The following OLFML2A variants were observed in gnomAD, a reference collection of about 807,000 sequenced individuals.
OLFML2A encodes the protein olfactomedin like 2A, also known as olfactomedin-like protein 2A.
A neutral mutation model predicts 60.9 loss-of-function variants in OLFML2A; 47 were observed. That is an observed-to-expected ratio of 0.77 (90% CI 0.61 to 0.98). OLFML2A has a LOEUF of 0.98. Ranked by LOEUF, OLFML2A falls within the 50% of genes least tolerant of loss-of-function variation. The probability of loss-of-function intolerance (pLI) is 0.00; values close to 1 mark genes in which losing one functional copy is unlikely to be tolerated. For synonymous variants in OLFML2A, 372 were observed against 375.0 expected (o/e 0.99, Z 0.09); for missense variants, 922 against 879.8 (o/e 1.05, Z -0.61).
In OLFML2A at chr9:124,802,005, C is replaced by T. The variant is rs562606413; in HGVS notation, c.919+342C>T. Reference sequence around the variant, plus strand: ...ACACAGTCCCTGTCCCCACAGATCTCACAGTCTAGTGAGAAAAAATACCTA... The same window carrying T: ...ACACAGTCCCTGTCCCCACAGATCTTACAGTCTAGTGAGAAAAAATACCTA... On this transcript the variant is annotated intron_variant, in intron 5 of 7. Coordinates refer to ENST00000373580, the MANE Select transcript of OLFML2A (RefSeq NM_182487.4). Among the ~76,000 whole-genome samples the T allele has an allele frequency of 2.6e-5, 4 of 152,266 alleles. No homozygotes were observed. In the East Asian group the frequency reaches 7.7e-4, roughly 29 times the overall value.
At chr9:124,803,986 C>T (rs1208081299) in intron 5 of OLFML2A, 108 bp from the exon 6 acceptor site, 3 of 1,263,882 alleles carry the variant, frequency 2.4e-6, no homozygotes, top group African/African-American at 3.0e-5. Context: ...GGAGGCCTCC[C>T]CCTCCACTCC....
chr9:124,777,752 G>A lies in OLFML2A; in HGVS notation c.90+392G>A, dbSNP rs1564279274. ...TGGGCCACGGCTTTCACGGCCCGCT[G>A]GGGACTGGGGGTCTTCTCTACCCGA... On this transcript the variant is annotated intron_variant, in intron 1 of 7. Coordinates refer to ENST00000373580, the MANE Select transcript of OLFML2A (RefSeq NM_182487.4). This position sits in a 1 kb window ranked among gnomAD's most constrained non-coding sequence, Gnocchi z 6.2. 3.3e-5 allele frequency among the ~76,000 whole-genome samples: 5 copies of A among 152,108 alleles called. No individual in the cohort carries two copies. The highest frequency in any genetic ancestry group is 7.4e-5 in the Non-Finnish European group (5 of 68,000).
At chr9:124,780,148 C>A (rs959899242) in intron 1 of OLFML2A, among the ~76,000 whole-genome samples, 1 of 152,230 alleles carries the variant, frequency 6.6e-6, no homozygotes, top group African/African-American at 2.4e-5. Context: ...GGGGACCCCA[C>A]AGCTTCCCTG....
At chr9:124,801,045 C>G in intron 4 of OLFML2A, 2 of 1,551,602 alleles carry the variant, frequency 1.3e-6, no homozygotes, top group Non-Finnish European at 1.7e-6. Flanking sequence ...CGTACTAAGA[C>G]CAATGAGTAA....
At chr9:124,791,165 G>A (rs565741396) in intron 2 of OLFML2A, among the ~76,000 whole-genome samples, 1 of 152,310 alleles carries the variant, frequency 6.6e-6, no homozygotes, top group East Asian at 1.9e-4. Flanking sequence ...CAGGGACTGT[G>A]GGAGCCCCAA....
intron 1 of OLFML2A, among the ~76,000 whole-genome samples, chr9:124,782,136 G>A (rs2131240182): frequency 6.6e-6 from 1 of 152,316 alleles, no homozygotes; most frequent in East Asian, 1.9e-4. Flanking sequence ...ATGCCCCCCA[G>A]GGCCCCCTCT....
rs1011120450 is a variant in OLFML2A at position 124,808,164 on chromosome 9, G to A, written c.1354+198G>A. ...GCCCAGACAGACCCCATGGCACCCC[G>A]GTGTGCTAGCACCCTGCCAGGAACC... On this transcript the variant is annotated intron_variant, in intron 7 of 7. Coordinates refer to ENST00000373580, the MANE Select transcript of OLFML2A (RefSeq NM_182487.4). Among the ~76,000 whole-genome samples the A allele has an allele frequency of 5.9e-5, 9 of 152,210 alleles. No individual in the cohort carries two copies. The South Asian group carries it at 6.2e-4, about 10-fold the overall frequency.
intron 1 of OLFML2A, among the ~76,000 whole-genome samples, chr9:124,783,398 G>A (rs1841399114): frequency 2.0e-5 from 3 of 152,120 alleles, no homozygotes; most frequent in South Asian, 2.1e-4. Flanking sequence ...CCTGATCCCA[G>A]GAGGTCAAGG....
intron 5 of OLFML2A, among the ~76,000 whole-genome samples, chr9:124,802,036 AG>A (rs758452062): frequency 1.8e-4 from 28 of 152,112 alleles, no homozygotes; most frequent in Non-Finnish European, 3.5e-4. Context: ...ACCTATGACC[AG>A]GCAGCTGCCA....
chr9:124,806,835 C>G (rs1841903668), intron 6 of OLFML2A, among the ~76,000 whole-genome samples: 1 of 152,000 alleles, frequency 6.6e-6, no homozygotes, highest in South Asian at 2.1e-4. Context: ...GTCTCAAACT[C>G]CTGACCTTGT....
chr9:124,784,253 G>A (rs1295375259), intron 1 of OLFML2A, among the ~76,000 whole-genome samples: 1 of 151,722 alleles, frequency 6.6e-6, no homozygotes, highest in East Asian at 1.9e-4. Context: ...GTCCAGGCTG[G>A]AGTGAAGTGG....
chr9:124,804,456 G>A (rs1470589821), intron 6 of OLFML2A, 114 bp downstream of exon 6: 37 of 1,057,808 alleles, frequency 3.5e-5, no homozygotes, highest in Admixed American at 8.2e-5. Flanking sequence ...GAGCATGGTA[G>A]CTCACACCTG....
At chr9:124,803,675 G>A (rs895717786) in intron 5 of OLFML2A, among the ~76,000 whole-genome samples, 4 of 152,250 alleles carry the variant, frequency 2.6e-5, no homozygotes, top group Non-Finnish European at 5.9e-5. Flanking sequence ...CTTCTCTCTA[G>A]AATTGAATCT....
At chr9:124,793,928 A>G (rs924214989) in intron 2 of OLFML2A, among the ~76,000 whole-genome samples, 1 of 152,004 alleles carries the variant, frequency 6.6e-6, no homozygotes, top group Non-Finnish European at 1.5e-5. Flanking sequence ...AGTCCTAGCT[A>G]CTCCAGAGGC....
At position 124,810,570 on chromosome 9, in the gene OLFML2A, A is replaced by G. The variant is rs553333069; in HGVS notation, c.*158A>G. On this transcript the variant is annotated 3_prime_UTR_variant, in exon 8 of 8. Coordinates refer to ENST00000373580, the MANE Select transcript of OLFML2A (RefSeq NM_182487.4). ...CCAGGATTGAGCTTCCTCAGCACCCAGTGGGTAATACTTGCTTCCACTTGC... is the reference window on the plus strand; with the variant it reads ...CCAGGATTGAGCTTCCTCAGCACCCGGTGGGTAATACTTGCTTCCACTTGC... The G allele has an allele frequency of 7.3e-6, 5 of 688,346 alleles. No homozygotes were observed. Among genetic ancestry groups the G allele is most frequent in the Non-Finnish European group, 1.2e-5 (5 of 417,680 alleles). 42.6% of individuals were successfully genotyped at this position (688,346 alleles called of 1,614,324 possible).
intron 1 of OLFML2A, among the ~76,000 whole-genome samples, chr9:124,782,577 G>C (rs1841380713): frequency 6.6e-6 from 1 of 152,156 alleles, no homozygotes; most frequent in African/African-American, 2.4e-5. Flanking sequence ...ATGGGAACTG[G>C]GACTTAAGCC....
chr9:124,814,332 C>T lies in OLFML2A; in HGVS notation c.*3920C>T, dbSNP rs1842077011. The T allele has an allele frequency of 6.6e-6, 1 of 152,400 alleles. No homozygotes were observed. The highest frequency in any genetic ancestry group is 2.4e-5 in the African/African-American group (1 of 41,452). 9.4% of individuals were successfully genotyped at this position (152,400 alleles called of 1,614,324 possible). On this transcript the variant is annotated 3_prime_UTR_variant, in exon 8 of 8. Coordinates refer to ENST00000373580, the MANE Select transcript of OLFML2A (RefSeq NM_182487.4). ...AGCCCTGGGTTGGAATCCAGCCCCACCTCTTTTATGCCACAGGTTTGGTCA... is the reference window on the plus strand; with the variant it reads ...AGCCCTGGGTTGGAATCCAGCCCCATCTCTTTTATGCCACAGGTTTGGTCA...
chr9:124,791,671 G>A (rs1216116407), intron 2 of OLFML2A, among the ~76,000 whole-genome samples: 3 of 145,338 alleles, frequency 2.1e-5, no homozygotes, highest in Non-Finnish European at 4.5e-5. Flanking sequence ...ACGGGAGGCA[G>A]AGGTTGCAGT....
intron 2 of OLFML2A, among the ~76,000 whole-genome samples, chr9:124,791,937 AG>A (rs559678449): frequency 6.6e-5 from 10 of 152,274 alleles, no homozygotes; most frequent in African/African-American, 2.2e-4. Context: ...TGTGCTGCTC[AG>A]CAGATCGCAC....
Sources: allele counts gnomAD v4.1 joint callset (sites outside exome capture counted in the v4.1 genomes callset), GRCh38; gene constraint gnomAD v4.1.1; non-coding constraint Gnocchi (gnomAD v3.1); transcripts MANE v1.5; gene names NCBI Gene and HGNC (gene_info 2026-07-23, HGNC 2026-07-21).